The following SASH1 variants were observed in gnomAD, a reference collection of about 807,000 sequenced individuals.
The protein encoded by SASH1 is SAM and SH3 domain containing 1, also known as SAM and SH3 domain-containing protein 1.
In SASH1, 44 loss-of-function variants were observed where a neutral mutation model predicts 125.2. That is an observed-to-expected ratio of 0.35 (90% CI 0.28 to 0.45). The LOEUF (loss-of-function observed/expected upper bound fraction) is 0.45, where lower values mean the gene tolerates loss of function less well. Among genes scored for constraint, SASH1 ranks in the 20% least tolerant of loss-of-function variants. SASH1 has a pLI of 1.00. For missense variants in SASH1, 1,426 were observed against 1,614.5 expected (o/e 0.88, Z 2.00); for synonymous variants, 639 against 649.1 (o/e 0.98, Z 0.24).
chr6:148,314,607 A>G (rs572299864), intron 1 of SASH1, among the ~76,000 whole-genome samples: 1 of 152,282 alleles, frequency 6.6e-6, no homozygotes, highest in Admixed American at 6.5e-5. Context: ...CCCTCAAACA[A>G]AAGTTTGGAA....
chr6:148,454,518 C>G (rs1777247361), intron 4 of SASH1, among the ~76,000 whole-genome samples: 1 of 152,112 alleles, frequency 6.6e-6, no homozygotes. Context: ...ACTGGGGGTT[C>G]TCTTAGGCAA....
chr6:148,371,890 T>C (rs1026032115), intron 1 of SASH1, among the ~76,000 whole-genome samples: 1 of 152,192 alleles, frequency 6.6e-6, no homozygotes, highest in Non-Finnish European at 1.5e-5. Context: ...CTGGAGGTCA[T>C]AGGCCTTATT....
At chr6:148,253,632 G>A in the SASH1 span, among the ~76,000 whole-genome samples, 2 of 152,142 alleles carry the variant, frequency 1.3e-5, no homozygotes, top group South Asian at 4.1e-4. Flanking sequence ...CAGCACTTTG[G>A]GAGGCCAAGG....
chr6:148,354,336 AATAAT>A (rs1781845881), intron 1 of SASH1, among the ~76,000 whole-genome samples: 1 of 152,348 alleles, frequency 6.6e-6, no homozygotes, highest in South Asian at 2.1e-4. Flanking sequence ...TAAGTGGCAC[AATAAT>A]ATAAGAGAGC....
the SASH1 span, among the ~76,000 whole-genome samples, chr6:148,255,882 T>G: frequency 5.3e-5 from 8 of 152,152 alleles, 1 homozygote; most frequent in South Asian, 1.7e-3. Context: ...ACTCAAGCAA[T>G]CTACCCGCCT....
intron 2 of SASH1, among the ~76,000 whole-genome samples, chr6:148,411,166 CAAAAAAAAAAAAAAAAAAAAA>C (rs56342457): frequency 2.2e-5 from 1 of 46,174 alleles, no homozygotes; most frequent in Non-Finnish European, 3.8e-5. Flanking sequence ...ACTCCATCTC[CAAAAAAAAAAAAAAAAAAAAA>C]AAAAAAAAAG....
At chr6:148,517,079 G>A (rs960131157) in intron 9 of SASH1, among the ~76,000 whole-genome samples, 3 of 152,150 alleles carry the variant, frequency 2.0e-5, no homozygotes, top group Admixed American at 2.0e-4. Flanking sequence ...CTCCAGTAAT[G>A]AATCGCCAGT....
chr6:148,443,746 C>G (rs1175386047), intron 4 of SASH1, among the ~76,000 whole-genome samples: 1 of 151,928 alleles, frequency 6.6e-6, no homozygotes, highest in Non-Finnish European at 1.5e-5. Context: ...CCCTGAAAAT[C>G]CTAAGTCAGA....
the SASH1 span, among the ~76,000 whole-genome samples, chr6:148,258,377 C>A: frequency 6.6e-6 from 1 of 152,128 alleles, no homozygotes; most frequent in African/African-American, 2.4e-5. Context: ...GACCAGGCTG[C>A]ACTAAGCAAT....
At chr6:148,348,198 G>C (rs1781580992) in intron 1 of SASH1, among the ~76,000 whole-genome samples, 1 of 151,860 alleles carries the variant, frequency 6.6e-6, no homozygotes, top group Non-Finnish European at 1.5e-5. Flanking sequence ...GTAGAGACAG[G>C]GTTTAGGCTG....
intron 4 of SASH1, among the ~76,000 whole-genome samples, chr6:148,449,359 C>G: frequency 1.3e-5 from 2 of 148,636 alleles, no homozygotes; most frequent in Non-Finnish European, 3.0e-5. Context: ...TGTGAGTCAC[C>G]GTACCTGGCT....
chr6:148,410,154 AGG>A (rs2050628118), intron 2 of SASH1, among the ~76,000 whole-genome samples: 1 of 106,902 alleles, frequency 9.4e-6, no homozygotes, highest in Non-Finnish European at 1.7e-5. Flanking sequence ...TCTGTTGCCC[AGG>A]CTGGAGTGCA....
chr6:148,456,873 C>CAAT (rs56067798), intron 4 of SASH1, among the ~76,000 whole-genome samples: 13,131 of 142,248 alleles, frequency 0.092, 781 homozygotes, highest in Admixed American at 0.15. Context: ...TGTCTCATAA[C>CAAT]AATAATAATA....
chr6:148,358,501 G>A (rs896700959), intron 1 of SASH1, among the ~76,000 whole-genome samples: 21 of 152,140 alleles, frequency 1.4e-4, no homozygotes, highest in African/African-American at 5.1e-4. Flanking sequence ...GGTCCCAGGA[G>A]GGTCTGTTTC....
the SASH1 span, among the ~76,000 whole-genome samples, chr6:148,214,147 G>A: frequency 6.6e-6 from 1 of 152,110 alleles, no homozygotes; most frequent in Admixed American, 6.6e-5. Context: ...ATTCAGGCTG[G>A]CTTTTTTCTG....
intron 2 of SASH1, among the ~76,000 whole-genome samples, chr6:148,410,202 C>T: frequency 6.9e-6 from 1 of 145,484 alleles, no homozygotes; most frequent in African/African-American, 2.6e-5. Context: ...CCTCCGCCTC[C>T]CGGGTTCAAG....
At chr6:148,224,998 C>T in the SASH1 span, among the ~76,000 whole-genome samples, 8,662 of 152,108 alleles carry the variant, frequency 0.057, 812 homozygotes, top group African/African-American at 0.2. Flanking sequence ...TCCCAAGGAC[C>T]GCTGGGATGG....
At chr6:148,266,629 C>G in the SASH1 span, among the ~76,000 whole-genome samples, 3 of 152,050 alleles carry the variant, frequency 2.0e-5, no homozygotes, top group African/African-American at 7.3e-5. Flanking sequence ...TGGACAGGGT[C>G]TTGTTCTATT....
In SASH1 at chr6:148,474,325, G is replaced by A. The variant is rs73585692; in HGVS notation, c.627+103G>A. 3.0e-3 allele frequency: 1,913 copies of A among 646,162 alleles called. 25 individuals are homozygous for A. The African/African-American group carries it at 0.032, about 11-fold the overall frequency. The allele number at this position is 646,162 out of a possible 1,614,324, so 40.0% of individuals were successfully genotyped here. A position where few individuals can be genotyped will look rare whatever the true frequency, so the allele number is the denominator to read the frequency against. On this transcript the variant is annotated intron_variant, in intron 7 of 19. Transcript: ENST00000367467. ...GGTATAGGAATCAGGTACCCATGTT[G>A]TCAGATAAAATATTTATTCTGTTTA...
Sources: allele counts gnomAD v4.1 joint callset (sites outside exome capture counted in the v4.1 genomes callset), GRCh38; gene constraint gnomAD v4.1.1; transcripts MANE v1.5; gene names NCBI Gene and HGNC (gene_info 2026-07-23, HGNC 2026-07-21).